The following CTNNB1 variants were observed in gnomAD, a reference collection of about 807,000 sequenced individuals.
The protein encoded by CTNNB1 is catenin beta-1.
CTNNB1 carries 6 observed loss-of-function variants against 82.5 expected under a neutral mutation model. The observed-to-expected ratio is 0.07, with a 90% CI of 0.04 to 0.14. The LOEUF is 0.14. CTNNB1 is among the 10% of genes least tolerant of loss of function. The pLI, the probability that CTNNB1 is intolerant of heterozygous loss-of-function variation, is 1.00. For missense variants in CTNNB1, 529 were observed against 980.4 expected, an observed-to-expected ratio of 0.54 and a Z score of 6.15; for synonymous variants, 312 against 329.7, an observed-to-expected ratio of 0.95 and a Z score of 0.58.
chr3:41,229,876 CTGTGTGTG>C (rs58153157), intron 7 of CTNNB1, among the ~76,000 whole-genome samples: 118 of 147,228 alleles, frequency 8.0e-4, no homozygotes, highest in African/African-American at 2.8e-3. Flanking sequence ...CTCTTGGGTT[CTGTGTGTG>C]TGTGTGTGTG....
chr3:41,202,314 C>T (rs149752877), intron 1 of CTNNB1, among the ~76,000 whole-genome samples: 16 of 152,066 alleles, frequency 1.1e-4, no homozygotes, highest in African/African-American at 3.4e-4. Context: ...TGAGCTTAGT[C>T]GGAAGCATGC....
chr3:41,200,822 TC>T (rs1168901488), intron 1 of CTNNB1, among the ~76,000 whole-genome samples: 10 of 152,306 alleles, frequency 6.6e-5, no homozygotes, highest in African/African-American at 2.4e-4. Flanking sequence ...TTCGTTCTCT[TC>T]CCTTTTGGAG....
chr3:41,232,424 CTA>C (rs2078332026), intron 7 of CTNNB1, among the ~76,000 whole-genome samples: 1 of 151,742 alleles, frequency 6.6e-6, no homozygotes, highest in South Asian at 2.1e-4. Flanking sequence ...GTAACTTACA[CTA>C]TGAAGGAGAA....
intron 1 of CTNNB1, among the ~76,000 whole-genome samples, chr3:41,223,501 C>T (rs572088607): frequency 9.9e-5 from 15 of 152,120 alleles, no homozygotes; most frequent in African/African-American, 2.6e-4. Flanking sequence ...ATCTAAAATT[C>T]GCTATTCTAG....
chr3:41,202,605 C>T (rs926172424), intron 1 of CTNNB1, among the ~76,000 whole-genome samples: 1 of 152,150 alleles, frequency 6.6e-6, no homozygotes, highest in Non-Finnish European at 1.5e-5. Flanking sequence ...CCATTGCCTC[C>T]TTGTACTCTC....
chr3:41,200,174 C>T (rs766398035), intron 1 of CTNNB1: 2 of 152,148 alleles, frequency 1.3e-5, no homozygotes, highest in Non-Finnish European at 2.9e-5. Flanking sequence ...GGGGATCGGA[C>T]CAGTGGACTT....
At chr3:41,203,681 A>G (rs1294430467) in intron 1 of CTNNB1, among the ~76,000 whole-genome samples, 1 of 152,198 alleles carries the variant, frequency 6.6e-6, no homozygotes, top group Admixed American at 6.5e-5. Context: ...CTTAGTGACC[A>G]TAGGGTTGGT....
intron 10 of CTNNB1, chr3:41,235,338 T>G (rs2078410357): frequency 4.0e-6 from 1 of 247,524 alleles, no homozygotes; most frequent in South Asian, 5.4e-5. Context: ...TTTCACCAAA[T>G]ACATGGAAGA....
chr3:41,238,062 G>T lies in CTNNB1; in HGVS notation c.2123G>T (p.Gly708Val), dbSNP rs774035744. Residue 708 changes from glycine (G) to valine (V), a missense_variant, in exon 14 of 15, where the codon GGA (glycine) becomes GTA (valine). This residue lies in a region of CTNNB1 where 102 missense variants were observed against 130.8 expected (regional missense o/e 0.78). Transcript: ENST00000349496. Reference protein sequence around the residue: ...LDIGAQGEPLGYRQDDPSYRS... With the variant: ...LDIGAQGEPLVYRQDDPSYRS... ...ATTGGTGCCCAGGGAGAACCCCTTG[G>T]ATATCGCCAGGATGGTATGTGTCTC... 1.9e-6 allele frequency: 3 copies of T among 1,613,754 alleles called. No homozygotes were observed. The highest frequency in any genetic ancestry group is 1.7e-6 in the Non-Finnish European group (2 of 1,179,698).
intron 6 of CTNNB1, among the ~76,000 whole-genome samples, chr3:41,226,535 A>G (rs1244567991): frequency 6.6e-6 from 1 of 152,126 alleles, no homozygotes; most frequent in African/African-American, 2.4e-5. Flanking sequence ...AAGGAAGGAG[A>G]TGGAAAGTTT....
At chr3:41,209,508 TTGTC>T (rs1337935549) in intron 1 of CTNNB1, among the ~76,000 whole-genome samples, 3 of 152,204 alleles carry the variant, frequency 2.0e-5, no homozygotes, top group Admixed American at 2.0e-4. Flanking sequence ...CTGCAAAAAA[TTGTC>T]TGTTCTCCCT....
intron 1 of CTNNB1, among the ~76,000 whole-genome samples, chr3:41,205,780 A>G (rs904754536): frequency 6.6e-6 from 1 of 152,200 alleles, no homozygotes; most frequent in Non-Finnish European, 1.5e-5. Flanking sequence ...TCATCTGAAA[A>G]TAATGCTGTA....
Position 41,238,114 on chromosome 3 carries a change from G to C in CTNNB1, c.2137+38G>C, listed in dbSNP as rs755691422. The C allele has an allele frequency of 4.4e-6, 7 of 1,580,934 alleles. No individual in the cohort carries two copies. In the African/African-American group the frequency reaches 9.4e-5, roughly 21 times the overall value. On this transcript the variant is annotated intron_variant, in intron 14 of 14. Coordinates refer to ENST00000349496, the MANE Select transcript of CTNNB1 (RefSeq NM_001904.4). ...TATTTCTCGATTAACTCCAGATCAA[G>C]CTAAAGTTCTAAAACTTTTATCAGA... is the stretch of plus-strand genomic sequence containing the variant.
intron 1 of CTNNB1, among the ~76,000 whole-genome samples, chr3:41,215,820 G>A (rs915377303): frequency 2.6e-5 from 4 of 151,988 alleles, no homozygotes; most frequent in African/African-American, 9.7e-5. Context: ...CAATTTCTTT[G>A]GCATATCTAG....
chr3:41,210,971 T>C, intron 1 of CTNNB1: 1 of 451,834 alleles, frequency 2.2e-6, no homozygotes, highest in Non-Finnish European at 4.5e-6. Context: ...AAAAAAATTT[T>C]TTGTAGAGAC....
chr3:41,204,549 A>G (rs1171421119), intron 1 of CTNNB1, among the ~76,000 whole-genome samples: 1 of 152,180 alleles, frequency 6.6e-6, no homozygotes, highest in African/African-American at 2.4e-5. Flanking sequence ...CATGCAGACT[A>G]TTAAAAATTG....
At chr3:41,205,233 A>G (rs568506913) in intron 1 of CTNNB1, among the ~76,000 whole-genome samples, 118 of 152,346 alleles carry the variant, frequency 7.7e-4, no homozygotes, top group Middle Eastern at 3.4e-3. Context: ...TCTAAGCTAA[A>G]CTATTACTGT....
intron 1 of CTNNB1, chr3:41,220,851 G>A (rs957230675): frequency 6.6e-6 from 1 of 152,088 alleles, no homozygotes; most frequent in African/African-American, 2.4e-5. Flanking sequence ...TGAAAACTAA[G>A]GTAATTAAGA....
intron 1 of CTNNB1, among the ~76,000 whole-genome samples, chr3:41,219,360 T>A (rs949211861): frequency 1.3e-5 from 2 of 152,206 alleles, no homozygotes; most frequent in East Asian, 1.9e-4. Context: ...GATGTTACCA[T>A]AATCTAATTA....
Sources: allele counts gnomAD v4.1 joint callset (sites outside exome capture counted in the v4.1 genomes callset), GRCh38; gene constraint gnomAD v4.1.1; regional missense constraint gnomAD v4.1.1; transcripts MANE v1.5; gene names NCBI Gene and HGNC (gene_info 2026-07-23, HGNC 2026-07-21).